MAPK9: variants seen among roughly 807,000 people sequenced by gnomAD.
MAPK9 encodes mitogen-activated protein kinase 9, also known as Jun kinase.
A neutral mutation model predicts 57.1 loss-of-function variants in MAPK9; 30 were observed. That is an observed-to-expected ratio of 0.53 (90% confidence interval 0.39 to 0.71). The LOEUF is 0.71. Among genes scored for constraint, MAPK9 ranks in the 30% least tolerant of loss-of-function variants. The pLI is 0.00. For missense variants in MAPK9, 362 were observed against 521.0 expected, an observed-to-expected ratio of 0.69 and a Z score of 2.97; for synonymous variants, 155 against 177.0, an observed-to-expected ratio of 0.88 and a Z score of 0.99.
chr5:180,280,358 T>G, intron 2 of MAPK9, 82 bp downstream of exon 2: 1 of 1,533,116 alleles, frequency 6.5e-7, no homozygotes, highest in South Asian at 1.3e-5. Context: ...TAATCATCAA[T>G]GTTTCTAAAT....
At chr5:180,279,796 C>A (rs1360188269) in intron 2 of MAPK9, 3 of 456,098 alleles carry the variant, frequency 6.6e-6, no homozygotes, top group Non-Finnish European at 1.3e-5. Flanking sequence ...AGAGCTTTAC[C>A]TTGAGCTGGC....
At chr5:180,266,856 C>A (rs572574412) in intron 3 of MAPK9, among the ~76,000 whole-genome samples, 4 of 152,196 alleles carry the variant, frequency 2.6e-5, no homozygotes, top group African/African-American at 9.6e-5. Flanking sequence ...CAATGTTGGC[C>A]AAGAAATTCA....
chr5:180,236,503 T>A lies in MAPK9; in HGVS notation c.1156A>T (p.Thr386Ser), dbSNP rs548387145. The A allele has an allele frequency of 1.9e-6, 3 of 1,613,606 alleles. No individual in the cohort carries two copies. The highest frequency in any genetic ancestry group is 2.7e-5 in the African/African-American group (2 of 74,958). Reference sequence around the variant, plus strand: ...TTGATCGATGAAGACTGAGAAGGAGTGGCGTTGCTACTTACTGCTGCATCT... The same window carrying A: ...TTGATCGATGAAGACTGAGAAGGAGAGGCGTTGCTACTTACTGCTGCATCT... The part of the protein sequence containing the change: ...PSDAAVSSNA[T>S]PSQSSSINDI... The change falls in exon 12 of 12, where the codon ACT (threonine) becomes TCT (serine). Residue 386 changes from threonine to serine, a missense_variant. Physicochemically the swap from Thr to Ser is moderately conservative, Grantham distance 58. Transcript: ENST00000452135.
intron 5 of MAPK9, among the ~76,000 whole-genome samples, chr5:180,255,398 T>C (rs1159271735): frequency 6.6e-6 from 1 of 151,936 alleles, no homozygotes; most frequent in African/African-American, 2.4e-5. Flanking sequence ...GCAGGTGCAG[T>C]GGCAGCCAGT....
rs552507796 is a variant in MAPK9, at chr5:180,253,343, G to A, written c.451-4205C>T. On this transcript the variant is annotated intron_variant, in intron 5 of 11. Coordinates refer to ENST00000452135, the MANE Select transcript of MAPK9 (RefSeq NM_002752.5). ...TAACCCACCGTGGCATGCGGAAGCCGCCCACGAAAAGCCCCACGCTACAGG... is the reference window on the plus strand; with the variant it reads ...TAACCCACCGTGGCATGCGGAAGCCACCCACGAAAAGCCCCACGCTACAGG... Among the ~76,000 whole-genome samples the A allele has an allele frequency of 3.3e-5, 5 of 152,326 alleles. No homozygotes were observed. The South Asian group carries it at 8.3e-4, about 25-fold the overall frequency.
chr5:180,238,556 G>A (rs578001341), intron 10 of MAPK9, among the ~76,000 whole-genome samples, 153 bp from the exon 11 acceptor site: 28 of 151,364 alleles, frequency 1.8e-4, no homozygotes, highest in Non-Finnish European at 3.8e-4. Flanking sequence ...TAGTCTACCT[G>A]GACCAAAATA....
chr5:180,242,811 C>T (rs1023962845), intron 7 of MAPK9, 56 bp from the exon 8 acceptor site: 67 of 1,356,042 alleles, frequency 4.9e-5, no homozygotes, highest in Admixed American at 6.1e-5. Flanking sequence ...ACAGTACATG[C>T]GGCAGCATCA....
chr5:180,245,698 A>C (rs1050903646), intron 7 of MAPK9, among the ~76,000 whole-genome samples: 6 of 152,226 alleles, frequency 3.9e-5, no homozygotes, highest in African/African-American at 7.2e-5. Flanking sequence ...AGGCTCAGAG[A>C]GGCCCTAAAT....
rs545207999 is a variant in MAPK9 at position 180,289,702 on chromosome 5, G to C, written c.-48+2146C>G. ...CCCCTGGCCTTAGGCTACCTTTCCT[G>C]CTCTCCTCACAGCTCCTCCCTCCCA... is the stretch of plus-strand genomic sequence containing the variant. On this transcript the variant is annotated intron_variant, in intron 1 of 11. Coordinates refer to ENST00000452135, the MANE Select transcript of MAPK9 (RefSeq NM_002752.5). Among the ~76,000 whole-genome samples the C allele has an allele frequency of 9.2e-5, 14 of 152,192 alleles. No homozygotes were observed. In the South Asian group the frequency reaches 2.1e-3, roughly 23 times the overall value.
chr5:180,242,540 A>G, intron 8 of MAPK9, 33 bp downstream of exon 8: 1 of 1,574,828 alleles, frequency 6.3e-7, no homozygotes, highest in Non-Finnish European at 8.7e-7. Context: ...CTGAATTACA[A>G]AACACAAGTA....
chr5:180,279,704 A>AG (rs1762139001), intron 2 of MAPK9: 3 of 367,144 alleles, frequency 8.2e-6, no homozygotes, highest in African/African-American at 4.3e-5. Flanking sequence ...AAAAAGAAAA[A>AG]GAAAAAAAAA....
At chr5:180,276,732 T>C (rs1312317722) in intron 2 of MAPK9, among the ~76,000 whole-genome samples, 1 of 152,114 alleles carries the variant, frequency 6.6e-6, no homozygotes, top group Non-Finnish European at 1.5e-5. Context: ...CGCACACCTG[T>C]AATCCCAGCT....
At chr5:180,244,563 C>G (rs1319161370) in intron 7 of MAPK9, among the ~76,000 whole-genome samples, 1 of 152,018 alleles carries the variant, frequency 6.6e-6, no homozygotes, top group Non-Finnish European at 1.5e-5. Flanking sequence ...ATCACAAGGT[C>G]AGGTGTTCAA....
intron 1 of MAPK9, among the ~76,000 whole-genome samples, chr5:180,286,092 A>G (rs1340729828): frequency 7.2e-6 from 1 of 139,376 alleles, no homozygotes; most frequent in South Asian, 2.3e-4. Context: ...AAAAAAAAAA[A>G]TAGTAAAAAT....
chr5:180,235,366 G>C lies in MAPK9; in HGVS notation c.*1018C>G, dbSNP rs1366276632. 1 of 152,240 alleles carries C rather than the reference G, an allele frequency of 6.6e-6. No homozygotes were observed. Among genetic ancestry groups the C allele is most frequent in the African/African-American group, 2.4e-5 (1 of 41,448 alleles). The allele number at this position is 152,240 out of a possible 1,614,324, so 9.4% of individuals were successfully genotyped here. On this transcript the variant is annotated 3_prime_UTR_variant, in exon 12 of 12. Transcript: ENST00000452135. ...AGAACGTGGTATTGGCCGAGGGAAA[G>C]TGAATGAGGGAAGGTAAATAAAGGA...
chr5:180,248,417 G>A (rs1366931158), intron 6 of MAPK9, among the ~76,000 whole-genome samples: 11 of 152,170 alleles, frequency 7.2e-5, no homozygotes, highest in Non-Finnish European at 1.3e-4. Flanking sequence ...ATAAGTAAGC[G>A]TGATTTCGTT....
At chr5:180,283,904 T>C (rs1479248076) in intron 1 of MAPK9, among the ~76,000 whole-genome samples, 3 of 152,156 alleles carry the variant, frequency 2.0e-5, no homozygotes, top group Admixed American at 1.3e-4. Context: ...CACTCCAGCC[T>C]GGGCCACAGC....
At chr5:180,287,060 T>C (rs1762832420) in intron 1 of MAPK9, 2 of 152,124 alleles carry the variant, frequency 1.3e-5, no homozygotes, top group East Asian at 1.9e-4. Flanking sequence ...TCCATGCATA[T>C]AACATTCCTG....
chr5:180,278,234 C>A (rs548942467), intron 2 of MAPK9, among the ~76,000 whole-genome samples: 1 of 152,190 alleles, frequency 6.6e-6, no homozygotes, highest in Non-Finnish European at 1.5e-5. Flanking sequence ...CTACCACTAA[C>A]ACCCCGTGAG....
Sources: allele counts gnomAD v4.1 joint callset (sites outside exome capture counted in the v4.1 genomes callset), GRCh38; gene constraint gnomAD v4.1.1; transcripts MANE v1.5; gene names NCBI Gene and HGNC (gene_info 2026-07-23, HGNC 2026-07-21).